The following SRPK2 variants were observed in gnomAD, a reference collection of about 807,000 sequenced individuals.
SRPK2 encodes SFRS protein kinase 2.
SRPK2 carries 21 observed loss-of-function variants against 90.8 expected under a neutral mutation model. The observed-to-expected ratio is 0.23, with a 90% CI of 0.16 to 0.33. The LOEUF (loss-of-function observed/expected upper bound fraction) is 0.33. Ranked by LOEUF, SRPK2 falls within the 10% of genes least tolerant of loss-of-function variation. The pLI, the probability that SRPK2 is intolerant of heterozygous loss-of-function variation, is 1.00. For synonymous variants in SRPK2, 288 were observed against 311.1 expected (o/e 0.93, Z 0.78); for missense variants, 620 against 869.0 (o/e 0.71, Z 3.60).
At chr7:105,133,139 G>C in intron 11 of SRPK2, 35 bp from the exon 12 acceptor site, 2 of 1,600,186 alleles carry the variant, frequency 1.2e-6, no homozygotes, top group Non-Finnish European at 1.7e-6. Context: ...GTTAGTGATC[G>C]GGATAGGTGG....
chr7:105,219,145 C>A (rs1026009491), intron 2 of SRPK2, among the ~76,000 whole-genome samples: 4 of 151,990 alleles, frequency 2.6e-5, no homozygotes, highest in African/African-American at 9.7e-5. Context: ...GAGTGGTCGG[C>A]GCATACTTCC....
chr7:105,142,777 TGTG>T (rs1803982439), intron 10 of SRPK2, among the ~76,000 whole-genome samples: 1 of 152,242 alleles, frequency 6.6e-6, no homozygotes, highest in Non-Finnish European at 1.5e-5. Context: ...GAAACAGACT[TGTG>T]GTGCATTACA....
chr7:105,367,215 T>A (rs1272023136), intron 2 of SRPK2, among the ~76,000 whole-genome samples: 2 of 151,870 alleles, frequency 1.3e-5, no homozygotes, highest in African/African-American at 4.8e-5. Context: ...GATACGCAAT[T>A]TACTGGAGAC....
chr7:105,252,053 G>A (rs915689629), intron 2 of SRPK2, among the ~76,000 whole-genome samples: 1 of 152,120 alleles, frequency 6.6e-6, no homozygotes, highest in African/African-American at 2.4e-5. Context: ...ACTGTTTTAT[G>A]TTAGTAGAAC....
intron 7 of SRPK2, among the ~76,000 whole-genome samples, chr7:105,159,319 C>T (rs1807058932): frequency 1.3e-5 from 2 of 151,698 alleles, no homozygotes; most frequent in South Asian, 4.2e-4. Context: ...AACCCTGTCT[C>T]TACTAAAAAT....
chr7:105,163,733 C>A (rs1461666923), intron 6 of SRPK2, among the ~76,000 whole-genome samples: 1 of 152,186 alleles, frequency 6.6e-6, no homozygotes, highest in African/African-American at 2.4e-5. Flanking sequence ...ATCTCTTGAA[C>A]CCGGGAGGCG....
chr7:105,313,557 C>A (rs773274879), intron 2 of SRPK2, among the ~76,000 whole-genome samples: 5 of 151,938 alleles, frequency 3.3e-5, no homozygotes, highest in African/African-American at 1.2e-4. Context: ...TGAAACCAGC[C>A]TGGGTAACAC....
chr7:105,177,749 A>C (rs1792163678), intron 3 of SRPK2, among the ~76,000 whole-genome samples: 2 of 152,156 alleles, frequency 1.3e-5, no homozygotes, highest in South Asian at 4.1e-4. Context: ...CAGGCTAGGC[A>C]CGGTGGCTCA....
At chr7:105,315,538 G>C (rs539751618) in intron 2 of SRPK2, among the ~76,000 whole-genome samples, 1 of 152,162 alleles carries the variant, frequency 6.6e-6, no homozygotes, top group Admixed American at 6.5e-5. Flanking sequence ...AGGACTTGCT[G>C]CCAGGCAAAC....
intron 3 of SRPK2, among the ~76,000 whole-genome samples, chr7:105,183,626 A>G (rs897208168): frequency 6.6e-6 from 1 of 152,078 alleles, no homozygotes; most frequent in African/African-American, 2.4e-5. Context: ...AGCTAGGAGT[A>G]CAGGCATGTG....
intron 7 of SRPK2, among the ~76,000 whole-genome samples, chr7:105,149,281 C>T (rs962322110): frequency 2.0e-5 from 3 of 152,260 alleles, no homozygotes; most frequent in South Asian, 2.1e-4. Context: ...GTAATGCTGC[C>T]TTGTTATTCT....
intron 6 of SRPK2, among the ~76,000 whole-genome samples, chr7:105,166,662 G>T (rs991210751): frequency 1.3e-5 from 2 of 152,188 alleles, no homozygotes; most frequent in African/African-American, 4.8e-5. Flanking sequence ...AGGTATTTTC[G>T]ATCAAGCACT....
At chr7:105,284,261 T>C (rs1056728183) in intron 2 of SRPK2, among the ~76,000 whole-genome samples, 14 of 152,268 alleles carry the variant, frequency 9.2e-5, no homozygotes, top group African/African-American at 3.4e-4. Flanking sequence ...AAGGTCAGAA[T>C]GACTTTGCCA....
intron 2 of SRPK2, among the ~76,000 whole-genome samples, chr7:105,331,720 C>CA (rs1224990690): frequency 1.3e-5 from 2 of 152,038 alleles, no homozygotes; most frequent in African/African-American, 4.8e-5. Context: ...GTAAATAGCA[C>CA]AAAAAGTGTA....
chr7:105,147,539 G>A (rs1013138373), intron 7 of SRPK2, among the ~76,000 whole-genome samples: 2 of 151,788 alleles, frequency 1.3e-5, no homozygotes, highest in South Asian at 2.1e-4. Context: ...CAGTGGTCTC[G>A]AACTCCTGAC....
chr7:105,277,355 C>T (rs1483675196), intron 2 of SRPK2, among the ~76,000 whole-genome samples: 1 of 152,178 alleles, frequency 6.6e-6, no homozygotes, highest in Non-Finnish European at 1.5e-5. Flanking sequence ...GGATTACAGG[C>T]GTGAGCCACT....
chr7:105,123,498 A>G (rs1031354561), intron 15 of SRPK2, among the ~76,000 whole-genome samples: 5 of 152,220 alleles, frequency 3.3e-5, no homozygotes, highest in African/African-American at 1.2e-4. Flanking sequence ...TTTTGTTATC[A>G]GTTCTAGCAC....
intron 2 of SRPK2, among the ~76,000 whole-genome samples, chr7:105,255,973 T>C (rs1355227599): frequency 6.6e-6 from 1 of 151,752 alleles, no homozygotes; most frequent in Non-Finnish European, 1.5e-5. Context: ...AATGCACATC[T>C]GTCAGGGCTC....
intron 2 of SRPK2, among the ~76,000 whole-genome samples, chr7:105,341,538 T>C (rs1815795849): frequency 1.3e-5 from 2 of 151,942 alleles, no homozygotes; most frequent in Non-Finnish European, 2.9e-5. Flanking sequence ...TCAGGCATGG[T>C]GGTGCACACC....
Sources: allele counts gnomAD v4.1 joint callset (sites outside exome capture counted in the v4.1 genomes callset), GRCh38; gene constraint gnomAD v4.1.1; transcripts MANE v1.5; gene names NCBI Gene and HGNC (gene_info 2026-07-23, HGNC 2026-07-21).